The following SNAP47 variants were observed in gnomAD, a reference collection of about 807,000 sequenced individuals.
SNAP47 encodes the protein synaptosome associated protein 47.
Under a neutral mutation model 31.4 loss-of-function variants are expected in SNAP47, and 20 were observed. That is an observed-to-expected ratio of 0.64 (90% CI 0.45 to 0.93). The LOEUF (loss-of-function observed/expected upper bound fraction) is 0.93. Ranked by LOEUF, SNAP47 falls within the 40% of genes least tolerant of loss-of-function variation. The pLI is 0.00. For missense variants in SNAP47, 492 were observed against 528.5 expected (o/e 0.93, Z 0.68); for synonymous variants, 194 against 213.4 (o/e 0.91, Z 0.79).
At chr1:227,737,119 G>A (rs1292742280) in intron 1 of SNAP47, among the ~76,000 whole-genome samples, 1 of 152,166 alleles carries the variant, frequency 6.6e-6, no homozygotes, top group East Asian at 1.9e-4. Flanking sequence ...TGTGATTTTC[G>A]GCCAGGACAC....
rs563586857 is a variant in SNAP47 at position 227,780,823 on chromosome 1, G to A, written c.*150G>A. On this transcript the variant is annotated 3_prime_UTR_variant, in exon 5 of 5. Coordinates refer to ENST00000617596, the MANE Select transcript of SNAP47 (RefSeq NM_053052.4). ...CTACTGTGGGGCTGCTTCTGCACCA[G>A]GGGCCTCCCCAGGTGTGCACCATGC... 8.9e-7 allele frequency: 1 copy of A among 1,120,528 alleles called. No homozygotes were observed. The highest frequency in any genetic ancestry group is 1.6e-5 in the South Asian group (1 of 63,390). 69.4% of individuals were successfully genotyped at this position (1,120,528 alleles called of 1,614,324 possible).
intron 1 of SNAP47, among the ~76,000 whole-genome samples, chr1:227,737,539 C>T (rs1335006540): frequency 6.6e-6 from 1 of 152,222 alleles, no homozygotes; most frequent in Non-Finnish European, 1.5e-5. Flanking sequence ...GAGAGGGGCA[C>T]CTGCCTTCCC....
At chr1:227,743,134 C>A (rs76017565) in intron 1 of SNAP47, among the ~76,000 whole-genome samples, 1 of 152,068 alleles carries the variant, frequency 6.6e-6, no homozygotes, top group Non-Finnish European at 1.5e-5. Context: ...GAGTATTCCC[C>A]GGTTGCAGAG....
chr1:227,754,498 C>A (rs949957583), intron 2 of SNAP47, among the ~76,000 whole-genome samples: 1 of 152,238 alleles, frequency 6.6e-6, no homozygotes, highest in South Asian at 2.1e-4. Flanking sequence ...CTCTACCCAG[C>A]ATTTCCCTTC....
In SNAP47 at chr1:227,757,914, C is replaced by T. The variant is rs78018205; in HGVS notation, c.498-1081C>T. Among the ~76,000 whole-genome samples the T allele has an allele frequency of 2.1e-3, 316 of 152,268 alleles. 2 individuals are homozygous for T. In the East Asian group the frequency reaches 0.027, roughly 13 times the overall value. On this transcript the variant is annotated intron_variant, in intron 2 of 4. Transcript: ENST00000617596. ...GGCAGCCATTCCTTCAAATAAGCCC[C>T]TCCTTCTCTCCCCCCAGCATACCCA...
At chr1:227,743,294 C>G (rs955050583) in intron 1 of SNAP47, among the ~76,000 whole-genome samples, 27 of 152,286 alleles carry the variant, frequency 1.8e-4, no homozygotes, top group African/African-American at 6.3e-4. Flanking sequence ...CAGGCCCTCC[C>G]CAGAAGAGGA....
chr1:227,732,754 C>G (rs1358403982), upstream of SNAP47: 7 of 1,591,218 alleles, frequency 4.4e-6, no homozygotes, highest in Non-Finnish European at 6.0e-6. Context: ...TGCGCCCAGT[C>G]CCCAAGGACG....
At chr1:227,775,596 G>A (rs1236868981) in intron 4 of SNAP47, among the ~76,000 whole-genome samples, 3 of 152,340 alleles carry the variant, frequency 2.0e-5, no homozygotes, top group African/African-American at 7.2e-5. Flanking sequence ...TGGTGGCAGC[G>A]AACGCACAAG....
At chr1:227,732,856 T>C (rs376440410), upstream of SNAP47, 35 of 1,611,262 alleles carry the variant, frequency 2.2e-5, no homozygotes, top group East Asian at 8.9e-5. Flanking sequence ...CCCAGGAGGG[T>C]AGCCTCCATG....
At chr1:227,734,995 T>C, upstream of SNAP47, 1 of 1,514,494 alleles carries the variant, frequency 6.6e-7, no homozygotes, top group South Asian at 1.3e-5. Context: ...GCCCGGGGTC[T>C]GCGGCCGCCG....
chr1:227,751,587 C>T (rs1662357401), intron 2 of SNAP47, among the ~76,000 whole-genome samples: 2 of 152,172 alleles, frequency 1.3e-5, no homozygotes, highest in African/African-American at 2.4e-5. Context: ...GTGCAGGCAG[C>T]CTTGGTGCCT....
At chr1:227,750,856 T>C (rs2102927723) in intron 2 of SNAP47, among the ~76,000 whole-genome samples, 1 of 152,348 alleles carries the variant, frequency 6.6e-6, no homozygotes. Context: ...GCCGAGTTTC[T>C]GTGTGGCCAC....
upstream of SNAP47, chr1:227,731,447 A>G (rs1252721959): frequency 2.0e-5 from 3 of 152,302 alleles, no homozygotes; most frequent in African/African-American, 7.2e-5. Context: ...CCAGGGGCCA[A>G]CTGAAAAAAT....
upstream of SNAP47, chr1:227,733,254 A>C: frequency 1.1e-6 from 1 of 912,778 alleles, no homozygotes; most frequent in Non-Finnish European, 1.6e-6. Flanking sequence ...CAGTGGGTGA[A>C]ACAGAGGCTA....
chr1:227,749,963 T>A (rs1014891387), intron 2 of SNAP47, among the ~76,000 whole-genome samples: 5 of 152,390 alleles, frequency 3.3e-5, no homozygotes, highest in Non-Finnish European at 7.3e-5. Context: ...AGTGAGAACT[T>A]CCTCCTAGCA....
upstream of SNAP47, chr1:227,733,116 G>A (rs1660784484): frequency 1.4e-6 from 2 of 1,433,716 alleles, no homozygotes; most frequent in Admixed American, 1.9e-5. Context: ...CCCACTGTGG[G>A]GTCCAGCCCT....
intron 3 of SNAP47, among the ~76,000 whole-genome samples, chr1:227,761,512 A>G (rs1376306494): frequency 2.0e-5 from 3 of 152,226 alleles, no homozygotes; most frequent in Non-Finnish European, 4.4e-5. Flanking sequence ...GATCAAGATG[A>G]GATCAAAGGT....
intron 1 of SNAP47, among the ~76,000 whole-genome samples, chr1:227,735,983 A>T (rs1366520072): frequency 6.7e-6 from 1 of 148,916 alleles, no homozygotes; most frequent in Admixed American, 6.6e-5. Flanking sequence ...GGACGGTGGC[A>T]CTTGGAGGAG....
rs868439409 is a variant in SNAP47 at position 227,777,110 on chromosome 1, A to T, written c.1114-3417A>T. 5.1e-3 allele frequency: 3,417 copies of T among 675,662 alleles called. 12 individuals carry two copies. In the African/African-American group the frequency reaches 0.053, roughly 10 times the overall value. The allele number at this position is 675,662 out of a possible 1,614,324, so 41.9% of individuals were successfully genotyped here. A position where few individuals can be genotyped will look rare whatever the true frequency, so the allele number is the denominator to read the frequency against. On this transcript the variant is annotated intron_variant, in intron 4 of 4. Coordinates refer to ENST00000617596, the MANE Select transcript of SNAP47 (RefSeq NM_053052.4). The stretch of plus-strand genomic sequence containing the variant: ...AAGGCATGAATTTGATGTCTTTTTT[A>T]AAAAAAAAAGTTATTTTATTTTCTT...
Sources: gnomAD v4.1 joint callset for allele counts (sites outside exome capture counted in the v4.1 genomes callset) on GRCh38, gnomAD v4.1.1 for gene constraint, MANE v1.5 for transcripts, NCBI Gene and HGNC (gene_info 2026-07-23, HGNC 2026-07-21) for gene names.